MCOLN2: variants seen among roughly 807,000 people sequenced by gnomAD.
MCOLN2 encodes mucolipin-2.
Under a neutral mutation model 67.5 loss-of-function variants are expected in MCOLN2, and 57 were observed. That is an observed-to-expected ratio of 0.84 (90% CI 0.68 to 1.05). The LOEUF is 1.05. Among genes scored for constraint, MCOLN2 ranks in the 50% least tolerant of loss-of-function variants. MCOLN2 has a pLI of 0.00. For missense variants in MCOLN2, 620 were observed against 678.8 expected (o/e 0.91, Z 0.96); for synonymous variants, 246 against 233.3 (o/e 1.05, Z -0.50).
intron 2 of MCOLN2, among the ~76,000 whole-genome samples, chr1:84,959,435 C>A (rs1289569854): frequency 6.6e-6 from 1 of 152,156 alleles, no homozygotes; most frequent in Non-Finnish European, 1.5e-5. Context: ...GCTCTCTTCA[C>A]CAGAAGTGAA....
intron 2 of MCOLN2, among the ~76,000 whole-genome samples, chr1:84,960,891 C>T (rs533294792): frequency 6.6e-6 from 1 of 152,192 alleles, no homozygotes; most frequent in South Asian, 2.1e-4. Context: ...TGGAAAAGAA[C>T]ACTGCATGGT....
intron 1 of MCOLN2, among the ~76,000 whole-genome samples, chr1:84,991,748 C>T (rs946579967): frequency 1.3e-5 from 2 of 152,142 alleles, no homozygotes; most frequent in African/African-American, 4.8e-5. Context: ...CTCTGAACAC[C>T]AGGAAAGCAG....
At chr1:84,991,195 T>C (rs1650874041) in intron 1 of MCOLN2, among the ~76,000 whole-genome samples, 1 of 152,164 alleles carries the variant, frequency 6.6e-6, no homozygotes, top group African/African-American at 2.4e-5. Context: ...GGTATTTCCC[T>C]GCCTTAGTTT....
intron 1 of MCOLN2, among the ~76,000 whole-genome samples, chr1:84,967,683 G>C (rs534746705): frequency 2.8e-5 from 4 of 143,666 alleles, no homozygotes; most frequent in Non-Finnish European, 6.1e-5. Flanking sequence ...AAGAAAGAGA[G>C]AAAGCAAGGA....
At chr1:84,962,526 CAG>C (rs1056351149) in intron 2 of MCOLN2, among the ~76,000 whole-genome samples, 2 of 152,100 alleles carry the variant, frequency 1.3e-5, no homozygotes, top group Admixed American at 6.6e-5. Context: ...CTGGGTGACA[CAG>C]AGAGACCTCA....
chr1:84,943,182 G>C (rs2102820100), intron 7 of MCOLN2, among the ~76,000 whole-genome samples: 1 of 152,288 alleles, frequency 6.6e-6, no homozygotes, highest in East Asian at 1.9e-4. Flanking sequence ...AGTTGCGGCA[G>C]AGTGAAAGAG....
intron 1 of MCOLN2, among the ~76,000 whole-genome samples, chr1:84,995,743 T>G (rs1240892701): frequency 6.6e-6 from 1 of 152,174 alleles, no homozygotes; most frequent in African/African-American, 2.4e-5. Context: ...TTGCTCAAAC[T>G]ATGTCTCTCA....
chr1:84,932,545 A>C (rs1213197420), intron 11 of MCOLN2, among the ~76,000 whole-genome samples: 1 of 152,134 alleles, frequency 6.6e-6, no homozygotes, highest in Non-Finnish European at 1.5e-5. Flanking sequence ...ATTCCTTGAA[A>C]ATGCCAACAA....
intron 1 of MCOLN2, among the ~76,000 whole-genome samples, chr1:84,984,507 T>C (rs1362638520): frequency 6.6e-6 from 1 of 152,226 alleles, no homozygotes; most frequent in East Asian, 1.9e-4. Context: ...CCCCATCTCT[T>C]GGATCCCATG....
At chr1:84,943,671 A>G (rs1484630500) in intron 7 of MCOLN2, among the ~76,000 whole-genome samples, 5 of 152,172 alleles carry the variant, frequency 3.3e-5, no homozygotes, top group Non-Finnish European at 4.4e-5. Context: ...ATGGGTGGCG[A>G]GCAGAGACAG....
Position 84,929,594 on chromosome 1 carries a change from G to C in MCOLN2, c.1628C>G (p.Ser543Cys). The change falls in exon 13 of 14, where the codon TCC (serine) becomes TGC (cysteine). Residue 543 changes from serine (S) to cysteine (C), a missense_variant. Ser to Cys is a moderately radical substitution (Grantham distance 112). Coordinates refer to ENST00000370608, the MANE Select transcript of MCOLN2 (RefSeq NM_153259.4). ...CSSKEEYQKE[S>C]SAFLSCICCR... ...GCAGATGCAGGACAGGAAGGCTGAG[G>C]ACTCTTTCTGATACTCTTCTTTGCT... The C allele has an allele frequency of 6.2e-7, 1 of 1,613,758 alleles. No homozygotes were observed. Among genetic ancestry groups the C allele is most frequent in the East Asian group, 2.2e-5 (1 of 44,842 alleles).
At chr1:84,963,034 T>C (rs1649176199) in intron 2 of MCOLN2, among the ~76,000 whole-genome samples, 1 of 152,208 alleles carries the variant, frequency 6.6e-6, no homozygotes, top group Non-Finnish European at 1.5e-5. Context: ...ACAGGACCTA[T>C]ATCTAGAATA....
At chr1:84,940,150 A>C (rs1172971270) in intron 8 of MCOLN2, among the ~76,000 whole-genome samples, 1 of 151,948 alleles carries the variant, frequency 6.6e-6, no homozygotes, top group Non-Finnish European at 1.5e-5. Flanking sequence ...CTTGGCAGGG[A>C]AAGGACCTTA....
At chr1:84,933,211 C>T (rs1170071041) in intron 11 of MCOLN2, among the ~76,000 whole-genome samples, 4 of 152,146 alleles carry the variant, frequency 2.6e-5, no homozygotes, top group East Asian at 1.9e-4. Flanking sequence ...CTCTGCACTC[C>T]GTATCGGTAA....
intron 2 of MCOLN2, among the ~76,000 whole-genome samples, chr1:84,962,121 A>C (rs900166259): frequency 3.3e-5 from 5 of 152,374 alleles, no homozygotes; most frequent in Non-Finnish European, 7.3e-5. Context: ...GATATCACCC[A>C]AATAGCAAAA....
At chr1:84,967,321 C>A (rs1264690680) in intron 1 of MCOLN2, among the ~76,000 whole-genome samples, 1 of 152,210 alleles carries the variant, frequency 6.6e-6, no homozygotes. Flanking sequence ...TTGAGTTTGA[C>A]TTCTTGCCTT....
At position 84,937,892 on chromosome 1, in the gene MCOLN2, A is replaced by G. The variant is rs781369040; in HGVS notation, c.1213-15T>C. 5 of 1,614,098 alleles carry G rather than the reference A, an allele frequency of 3.1e-6. No individual in the cohort carries two copies. The highest frequency in any genetic ancestry group is 1.7e-5 in the Admixed American group (1 of 59,986). Reference sequence around the variant, plus strand: ...AAAATCAGCACCTGAAAAAAAGAACAGAATGGGTGAAATGAAAAAGTAGCT... The same window carrying G: ...AAAATCAGCACCTGAAAAAAAGAACGGAATGGGTGAAATGAAAAAGTAGCT... On this transcript the variant is annotated splice_polypyrimidine_tract_variant and intron_variant, in intron 10 of 13. Coordinates refer to ENST00000370608, the MANE Select transcript of MCOLN2 (RefSeq NM_153259.4).
intron 1 of MCOLN2, among the ~76,000 whole-genome samples, chr1:84,981,655 G>A (rs1650260601): frequency 6.6e-6 from 1 of 152,158 alleles, no homozygotes; most frequent in African/African-American, 2.4e-5. Context: ...ACCAGCGGCT[G>A]GGAAGAATAG....
chr1:84,931,314 A>C (rs1198653334), intron 12 of MCOLN2, 48 bp downstream of exon 12: 7 of 1,082,750 alleles, frequency 6.5e-6, no homozygotes, highest in Non-Finnish European at 9.8e-6. Flanking sequence ...TATAATCTAT[A>C]TAGAATTTGC....
Sources: allele counts gnomAD v4.1 joint callset (sites outside exome capture counted in the v4.1 genomes callset), GRCh38; gene constraint gnomAD v4.1.1; transcripts MANE v1.5; gene names NCBI Gene and HGNC (gene_info 2026-07-23, HGNC 2026-07-21).